SYNCRIP: variants seen among roughly 807,000 people sequenced by gnomAD.
The protein encoded by SYNCRIP is heterogeneous nuclear ribonucleoprotein Q.
In SYNCRIP, 9 loss-of-function variants were observed where a neutral mutation model predicts 68.9. The observed-to-expected ratio is 0.13, with a 90% confidence interval of 0.08 to 0.23. The LOEUF (loss-of-function observed/expected upper bound fraction) is 0.23, where lower values mean the gene tolerates loss of function less well. Ranked by LOEUF, SYNCRIP falls within the 10% of genes least tolerant of loss-of-function variation. SYNCRIP has a pLI of 1.00. For synonymous variants in SYNCRIP, 258 were observed against 254.0 expected (o/e 1.02, Z -0.15); for missense variants, 414 against 770.6 (o/e 0.54, Z 5.48).
intron 10 of SYNCRIP, among the ~76,000 whole-genome samples, chr6:85,617,454 A>G (rs948561239): frequency 7.2e-5 from 11 of 152,210 alleles, no homozygotes; most frequent in Non-Finnish European, 1.5e-4. Context: ...GTTATTTTAC[A>G]CTGTTTAGTA....
intron 6 of SYNCRIP, among the ~76,000 whole-genome samples, chr6:85,631,115 G>A (rs1277666488): frequency 6.6e-6 from 1 of 152,154 alleles, no homozygotes; most frequent in Non-Finnish European, 1.5e-5. Context: ...GGCTGAGGCG[G>A]GCAAATCACT....
intron 8 of SYNCRIP, among the ~76,000 whole-genome samples, chr6:85,621,609 A>AT (rs1208564007): frequency 2.4e-5 from 2 of 84,360 alleles, no homozygotes; most frequent in Non-Finnish European, 3.8e-5. Context: ...CTGTCACTTA[A>AT]AAAAAAAAAA....
chr6:85,628,292 G>A (rs1375914416), intron 6 of SYNCRIP, among the ~76,000 whole-genome samples: 3 of 152,182 alleles, frequency 2.0e-5, no homozygotes, highest in Non-Finnish European at 2.9e-5. Flanking sequence ...CTGGCCTCGG[G>A]TGATCCGCCC....
At chr6:85,634,778 T>A in intron 6 of SYNCRIP, among the ~76,000 whole-genome samples, 1 of 152,194 alleles carries the variant, frequency 6.6e-6, no homozygotes, top group East Asian at 1.9e-4. Flanking sequence ...TACTCTTTTA[T>A]AGGAGATTAA....
At position 85,640,246 on chromosome 6, in the gene SYNCRIP, T is replaced by C; in HGVS notation, c.350A>G (p.Lys117Arg). 1 of 1,613,788 alleles carries C rather than the reference T, an allele frequency of 6.2e-7. No individual in the cohort carries two copies. Among genetic ancestry groups the C allele is most frequent in the South Asian group, 1.1e-5 (1 of 91,054 alleles). Residue 117 changes from lysine (K) to arginine (R), a missense_variant, in exon 4 of 11, where the codon AAA (lysine) becomes AGA (arginine). Lys to Arg is a conservative substitution (Grantham distance 26). This residue lies in a region of SYNCRIP where 110 missense variants were observed against 269.3 expected (regional missense o/e 0.41). Coordinates refer to ENST00000369622, the MANE Select transcript of SYNCRIP (RefSeq NM_006372.5). ...CTTAATTTTTGCCTCATCTGGTCCT[T>C]TACTAGAATCTGCTACTTTGGTCCC... The part of the protein sequence containing the change: ...KQGTKVADSS[K>R]GPDEAKIKAL...
chr6:85,640,559 C>G lies in SYNCRIP; in HGVS notation c.154G>C (p.Val52Leu), dbSNP rs1215680589. 55 of 1,558,864 alleles carry G rather than the reference C, an allele frequency of 3.5e-5. No homozygotes were observed. The highest frequency in any genetic ancestry group is 4.8e-5 in the Non-Finnish European group (55 of 1,156,894). The part of the protein sequence containing the change: ...KLDEIYVAGL[V>L]AHSDLDERAI... ...CTTTCATCTAAATCACTATGTGCAACTAGCCCTGAAAAAAATAAAAGTTAT... is the reference window on the plus strand; with the variant it reads ...CTTTCATCTAAATCACTATGTGCAAGTAGCCCTGAAAAAAATAAAAGTTAT... The change falls in exon 3 of 11, where the codon GTT (valine) becomes CTT (leucine). Residue 52 changes from valine to leucine, a missense_variant. By Grantham distance (32) the Val-to-Leu change is conservative. Around this residue, in one of 6 missense-constraint regions of SYNCRIP, gnomAD observed 51 missense variants for 63.7 expected, o/e 0.80. Coordinates refer to ENST00000369622, the MANE Select transcript of SYNCRIP (RefSeq NM_006372.5).
chr6:85,628,636 A>G (rs942296268), intron 6 of SYNCRIP, among the ~76,000 whole-genome samples: 10 of 152,202 alleles, frequency 6.6e-5, no homozygotes, highest in South Asian at 2.1e-4. Context: ...GCTTATTACT[A>G]ATTTTCCACT....
downstream of SYNCRIP, chr6:85,610,509 A>T (rs940210956): frequency 6.6e-6 from 1 of 151,888 alleles, no homozygotes; most frequent in African/African-American, 2.4e-5. Flanking sequence ...TCCATATTTT[A>T]ATGTTTTCTT....
intron 4 of SYNCRIP, among the ~76,000 whole-genome samples, chr6:85,638,335 C>T (rs1478137160): frequency 1.5e-5 from 2 of 133,852 alleles, no homozygotes; most frequent in Non-Finnish European, 3.1e-5. Context: ...GAGCGGAGAT[C>T]GCGCCACTGC....
intron 8 of SYNCRIP, among the ~76,000 whole-genome samples, chr6:85,621,842 A>C (rs1806447387): frequency 6.6e-6 from 1 of 152,192 alleles, no homozygotes; most frequent in Admixed American, 6.5e-5. Flanking sequence ...CATGTAAACT[A>C]ATGGTGCCAT....
At chr6:85,630,175 C>A (rs1583289821) in intron 6 of SYNCRIP, among the ~76,000 whole-genome samples, 1 of 151,938 alleles carries the variant, frequency 6.6e-6, no homozygotes, top group Admixed American at 6.6e-5. Flanking sequence ...TCCTGGCTAA[C>A]ACGGTGAAAC....
At chr6:85,624,218 C>T in intron 6 of SYNCRIP, 106 bp from the exon 7 acceptor site, 5 of 1,114,042 alleles carry the variant, frequency 4.5e-6, no homozygotes, top group Non-Finnish European at 6.4e-6. Context: ...AGTAGTTTAC[C>T]TTAATTCCCA....
At chr6:85,640,645 A>AT in intron 2 of SYNCRIP, 81 bp from the exon 3 acceptor site, 1 of 769,846 alleles carries the variant, frequency 1.3e-6, no homozygotes, top group Non-Finnish European at 2.0e-6. Flanking sequence ...ATACAGGTAC[A>AT]TGTGTGCCTT....
intron 10 of SYNCRIP, among the ~76,000 whole-genome samples, chr6:85,617,392 T>C (rs941721964): frequency 6.6e-6 from 1 of 152,192 alleles, no homozygotes; most frequent in African/African-American, 2.4e-5. Context: ...TATACTTACA[T>C]TCTACTTTAA....
At chr6:85,624,412 C>T (rs1806800426) in intron 6 of SYNCRIP, among the ~76,000 whole-genome samples, 1 of 152,188 alleles carries the variant, frequency 6.6e-6, no homozygotes, top group Non-Finnish European at 1.5e-5. Flanking sequence ...AAGTTCATCC[C>T]ATCAACCAGT....
chr6:85,636,807 G>C (rs1583310564), intron 6 of SYNCRIP, among the ~76,000 whole-genome samples, 160 bp downstream of exon 6: 1 of 151,478 alleles, frequency 6.6e-6, no homozygotes, highest in South Asian at 2.1e-4. Flanking sequence ...TACATGCAAA[G>C]AATAACACTA....
At chr6:85,623,013 T>C (rs1806594264) in intron 7 of SYNCRIP, among the ~76,000 whole-genome samples, 1 of 152,224 alleles carries the variant, frequency 6.6e-6, no homozygotes, top group African/African-American at 2.4e-5. Flanking sequence ...ATAGATCAAA[T>C]ATGGCTATTT....
chr6:85,629,155 T>C (rs936479528), intron 6 of SYNCRIP, among the ~76,000 whole-genome samples: 2 of 152,166 alleles, frequency 1.3e-5, no homozygotes, highest in African/African-American at 4.8e-5. Flanking sequence ...ACAAGTTTTA[T>C]TTCCACAAAA....
chr6:85,640,658 C>A, intron 2 of SYNCRIP, 94 bp from the exon 3 acceptor site: 9 of 634,050 alleles, frequency 1.4e-5, no homozygotes, highest in South Asian at 2.8e-5. Flanking sequence ...TGTGCCTTTA[C>A]AATTCTTCTA....
Sources: allele counts gnomAD v4.1 joint callset (sites outside exome capture counted in the v4.1 genomes callset), GRCh38; gene constraint gnomAD v4.1.1; regional missense constraint gnomAD v4.1.1; transcripts MANE v1.5; gene names NCBI Gene and HGNC (gene_info 2026-07-23, HGNC 2026-07-21).